Variants in NPSR1 observed in about 807,000 individuals in gnomAD.
NPSR1 encodes neuropeptide S receptor.
Under a neutral mutation model 46.9 loss-of-function variants are expected in NPSR1, and 48 were observed. The observed-to-expected ratio is 1.02, with a 90% confidence interval of 0.81 to 1.30. The LOEUF (loss-of-function observed/expected upper bound fraction) is 1.30. Among genes scored for constraint, NPSR1 ranks in the 50% most tolerant of loss-of-function variants. The pLI is 0.00. For missense variants in NPSR1, 450 were observed against 449.5 expected, an observed-to-expected ratio of 1.00 and a Z score of -0.01; for synonymous variants, 176 against 168.1, an observed-to-expected ratio of 1.05 and a Z score of -0.36.
intron 3 of NPSR1, among the ~76,000 whole-genome samples, chr7:34,807,887 C>T (rs1438885017): frequency 1.3e-5 from 2 of 151,966 alleles, no homozygotes; most frequent in Non-Finnish European, 2.9e-5. Flanking sequence ...CTCCCCGCCC[C>T]TACCCCCCAC....
intron 8 of NPSR1, among the ~76,000 whole-genome samples, chr7:34,876,085 G>C (rs367843503): frequency 6.6e-6 from 1 of 152,288 alleles, no homozygotes; most frequent in South Asian, 2.1e-4. Flanking sequence ...GAGATGAAGG[G>C]GCAAAAGACA....
At chr7:34,702,235 T>G (rs1187716846) in intron 2 of NPSR1, among the ~76,000 whole-genome samples, 1 of 152,226 alleles carries the variant, frequency 6.6e-6, no homozygotes, top group Non-Finnish European at 1.5e-5. Context: ...ACAGAGGGGC[T>G]CATATCAGCT....
chr7:34,834,501 G>A (rs767686906), intron 6 of NPSR1, 41 bp downstream of exon 6: 2 of 1,414,762 alleles, frequency 1.4e-6, no homozygotes, highest in East Asian at 4.6e-5. Flanking sequence ...TGGCTAATTT[G>A]CTTCTCCAGA....
chr7:34,842,480 T>G (rs1280725625), intron 6 of NPSR1, among the ~76,000 whole-genome samples: 1 of 152,212 alleles, frequency 6.6e-6, no homozygotes, highest in Non-Finnish European at 1.5e-5. Flanking sequence ...CACACAATTG[T>G]GACAATTAAA....
At chr7:34,671,408 CAAAT>C (rs928399713) in intron 1 of NPSR1, among the ~76,000 whole-genome samples, 12 of 152,112 alleles carry the variant, frequency 7.9e-5, no homozygotes, top group Non-Finnish European at 1.2e-4. Context: ...TGCCACCTCT[CAAAT>C]AAATTGTGTG....
chr7:34,802,836 C>T (rs1025204834), intron 3 of NPSR1, among the ~76,000 whole-genome samples: 1 of 150,386 alleles, frequency 6.6e-6, no homozygotes, highest in East Asian at 1.9e-4. Context: ...GGGCTAATAT[C>T]CAGAATCTAC....
chr7:34,669,032 A>C (rs962377727), intron 1 of NPSR1, among the ~76,000 whole-genome samples: 3 of 152,190 alleles, frequency 2.0e-5, no homozygotes, highest in African/African-American at 7.2e-5. Context: ...AGTTCACATA[A>C]TAGTTAATAA....
In NPSR1 at chr7:34,684,594, A is replaced by G. The variant is rs563652943; in HGVS notation, c.190A>G (p.Ile64Val). The change falls in exon 2 of 9, where the codon ATT becomes GTT. Residue 64 changes from isoleucine to valine, a missense_variant. Ile to Val is a conservative substitution (Grantham distance 29, BLOSUM62 3). Transcript: ENST00000360581. The part of the protein sequence containing the change: ...ITLWVLFVFT[I>V]VGNSVVLFST... ...TCTGTGGGTCCTCTTTGTTTTTACC[A>G]TTGTTGGAAACTCCGTTGTGCTTTT... 7.4e-6 allele frequency: 12 copies of G among 1,613,792 alleles called. No homozygotes were observed. The East Asian group carries it at 1.1e-4, about 15-fold the overall frequency.
At chr7:34,849,112 T>G (rs534024376) in intron 8 of NPSR1, among the ~76,000 whole-genome samples, 1 of 152,358 alleles carries the variant, frequency 6.6e-6, no homozygotes, top group East Asian at 1.9e-4. Flanking sequence ...CATTCTTCTG[T>G]TTTTCTGCTG....
chr7:34,855,308 A>G (rs1240497344), intron 8 of NPSR1, among the ~76,000 whole-genome samples: 12 of 152,086 alleles, frequency 7.9e-5, no homozygotes, highest in Non-Finnish European at 1.8e-4. Flanking sequence ...CTCAACAAAG[A>G]TCAAATTCTG....
rs117329671 is a variant in NPSR1 at position 34,868,529 on chromosome 7, G to A, written c.1026-9547G>A. On this transcript the variant is annotated intron_variant, in intron 8 of 8. Coordinates refer to the NPSR1 transcript ENST00000359791. ...TCAACATCTAGCATGACCCTCAGCA[G>A]GATGCACCACTAGGCACAGTAGTGT... Among the ~76,000 whole-genome samples the A allele has an allele frequency of 3.0e-3, 451 of 151,806 alleles. 7 individuals are homozygous for A. The East Asian group carries it at 0.038, about 13-fold the overall frequency.
intron 5 of NPSR1, chr7:34,834,177 C>T (rs1488902883): frequency 2.2e-5 from 13 of 578,334 alleles, no homozygotes; most frequent in Non-Finnish European, 4.0e-5. Flanking sequence ...TTAGCCTCCT[C>T]ACTTAAGAAA....
At chr7:34,724,480 A>C (rs1784031968) in intron 2 of NPSR1, among the ~76,000 whole-genome samples, 1 of 152,214 alleles carries the variant, frequency 6.6e-6, no homozygotes. Flanking sequence ...GTGGGTTCAG[A>C]GAGGGAGAGA....
At chr7:34,686,747 A>G (rs1167332549) in intron 2 of NPSR1, among the ~76,000 whole-genome samples, 2 of 151,456 alleles carry the variant, frequency 1.3e-5, no homozygotes, top group Non-Finnish European at 2.9e-5. Context: ...CCTTTCCTTT[A>G]TTTTCTTTAA....
At chr7:34,698,931 GA>G (rs901306221) in intron 2 of NPSR1, among the ~76,000 whole-genome samples, 2 of 152,084 alleles carry the variant, frequency 1.3e-5, no homozygotes, top group Non-Finnish European at 2.9e-5. Flanking sequence ...AAATATAAAG[GA>G]AAATTTTCAA....
chr7:34,830,017 C>T (rs1000722523), intron 5 of NPSR1, among the ~76,000 whole-genome samples: 2 of 152,216 alleles, frequency 1.3e-5, no homozygotes, highest in Non-Finnish European at 2.9e-5. Flanking sequence ...GCTGAAGAAA[C>T]AACTTCTCTC....
At chr7:34,840,050 G>A (rs895568235) in intron 6 of NPSR1, among the ~76,000 whole-genome samples, 1 of 152,064 alleles carries the variant, frequency 6.6e-6, no homozygotes, top group African/African-American at 2.4e-5. Flanking sequence ...TTGAGCTGAG[G>A]TGCTGAGGTA....
rs1783690721 is a variant in NPSR1, at chr7:34,718,570, C to T, written c.280+33886C>T. On this transcript the variant is annotated intron_variant, in intron 2 of 8. Transcript: ENST00000360581. ...GCTTCTAAACACCTCAGGCAAGTCTCCAGGGCCCAATAGGAAGGTCAATAC... is the reference window on the plus strand; with the variant it reads ...GCTTCTAAACACCTCAGGCAAGTCTTCAGGGCCCAATAGGAAGGTCAATAC... Among the ~76,000 whole-genome samples the T allele has an allele frequency of 1.3e-5, 2 of 152,184 alleles. 1 individual carries two copies. The highest frequency in any genetic ancestry group is 1.3e-4 in the Admixed American group (2 of 15,282).
At chr7:34,675,897 T>C (rs1037263890) in intron 1 of NPSR1, among the ~76,000 whole-genome samples, 3 of 152,252 alleles carry the variant, frequency 2.0e-5, no homozygotes, top group Non-Finnish European at 4.4e-5. Flanking sequence ...ACATTTCTTA[T>C]TTCCACTCAG....
Sources: allele counts gnomAD v4.1 joint callset (sites outside exome capture counted in the v4.1 genomes callset), GRCh38; gene constraint gnomAD v4.1.1; transcripts MANE v1.5; gene names NCBI Gene and HGNC (gene_info 2026-07-23, HGNC 2026-07-21).